Variants in MAD1L1 observed in about 807,000 individuals in gnomAD.
The protein encoded by MAD1L1 is mitotic spindle assembly checkpoint protein MAD1.
Under a neutral mutation model 96.9 loss-of-function variants are expected in MAD1L1, and 95 were observed. The observed-to-expected ratio is 0.98, with a 90% CI of 0.83 to 1.16. The LOEUF is 1.16. Ranked by LOEUF, MAD1L1 falls within the 50% of genes most tolerant of loss-of-function variation. The probability of loss-of-function intolerance (pLI) is 0.00; values close to 1 mark genes in which losing one functional copy is unlikely to be tolerated. For missense variants in MAD1L1, 1,007 were observed against 954.4 expected (o/e 1.06, Z -0.73); for synonymous variants, 473 against 396.6 (o/e 1.19, Z -2.29).
rs1461788029 is a variant in MAD1L1, at chr7:2,033,054, C to T, written c.1219-18412G>A. Reference sequence around the variant, plus strand: ...GCGTGGGCTGAGGACACCCAGCTGACGCTGCCACTGACTGGCCATGATAAA... The same window carrying T: ...GCGTGGGCTGAGGACACCCAGCTGATGCTGCCACTGACTGGCCATGATAAA... On this transcript the variant is annotated intron_variant, in intron 12 of 18. Transcript: ENST00000265854. Among the ~76,000 whole-genome samples, 6 of 152,362 alleles carry T rather than the reference C, an allele frequency of 3.9e-5. No homozygotes were observed. In the South Asian group the frequency reaches 6.2e-4, roughly 16 times the overall value.
chr7:2,121,881 G>A (rs1787999010), intron 11 of MAD1L1, among the ~76,000 whole-genome samples: 1 of 152,202 alleles, frequency 6.6e-6, no homozygotes, highest in African/African-American at 2.4e-5. Context: ...CAGGAACACA[G>A]ACCCGTGCAG....
At chr7:1,918,372 G>T (rs1465567432) in intron 17 of MAD1L1, among the ~76,000 whole-genome samples, 1 of 152,148 alleles carries the variant, frequency 6.6e-6, no homozygotes, top group East Asian at 1.9e-4. Flanking sequence ...GCGTCTGTCT[G>T]GATCCTCCCT....
intron 17 of MAD1L1, among the ~76,000 whole-genome samples, chr7:1,907,697 C>T (rs540491555): frequency 3.3e-5 from 5 of 152,254 alleles, no homozygotes; most frequent in African/African-American, 1.2e-4. Context: ...CACCTGCCCC[C>T]GGGTCAGTGA....
At chr7:1,955,391 A>C (rs1779681814) in intron 16 of MAD1L1, among the ~76,000 whole-genome samples, 1 of 152,152 alleles carries the variant, frequency 6.6e-6, no homozygotes, top group Admixed American at 6.5e-5. Flanking sequence ...CCTGGGTTCA[A>C]GCGATTCTCC....
intron 17 of MAD1L1, among the ~76,000 whole-genome samples, chr7:1,912,904 G>A (rs1030099156): frequency 6.6e-6 from 1 of 150,426 alleles, no homozygotes; most frequent in African/African-American, 2.4e-5. Flanking sequence ...GGGAGACGTG[G>A]GGGCGGGGCT....
chr7:1,954,886 C>T (rs929281331), intron 16 of MAD1L1, among the ~76,000 whole-genome samples: 5 of 152,184 alleles, frequency 3.3e-5, no homozygotes, highest in South Asian at 4.1e-4. Flanking sequence ...CACTTCCAGC[C>T]CCTTCAGCGA....
intron 18 of MAD1L1, among the ~76,000 whole-genome samples, chr7:1,895,133 G>A (rs991264491): frequency 2.0e-5 from 3 of 152,232 alleles, no homozygotes; most frequent in Non-Finnish European, 4.4e-5. Flanking sequence ...CCCAGGTGAA[G>A]AGGATGGAGC....
In MAD1L1 at chr7:1,815,922, G is replaced by T. The variant is rs565093407; in HGVS notation, c.*148C>A. On this transcript the variant is annotated 3_prime_UTR_variant, in exon 19 of 19. Coordinates refer to ENST00000265854, the MANE Select transcript of MAD1L1 (RefSeq NM_001013836.2). ...TGCTGGCCGCCCCAGCAGGAAGCCC[G>T]ACGTAGGTCCCAGCGTGTCTGTCAG... 3.4e-5 allele frequency: 33 copies of T among 957,800 alleles called. No individual in the cohort carries two copies. Among genetic ancestry groups the T allele is most frequent in the Non-Finnish European group, 5.0e-5 (33 of 665,660 alleles). The allele number at this position is 957,800 out of a possible 1,614,324, so 59.3% of individuals were successfully genotyped here.
At chr7:1,899,779 G>A (rs956648015) in intron 17 of MAD1L1, among the ~76,000 whole-genome samples, 1 of 152,162 alleles carries the variant, frequency 6.6e-6, no homozygotes, top group Admixed American at 6.5e-5. Flanking sequence ...TGTGCACAGC[G>A]GCCCGAAGAG....
intron 17 of MAD1L1, among the ~76,000 whole-genome samples, chr7:1,931,661 G>A (rs1211078380): frequency 1.6e-4 from 20 of 125,834 alleles, no homozygotes; most frequent in Admixed American, 2.6e-4. Context: ...CCTGCAACAC[G>A]CGTCTCCCTC....
At chr7:1,900,013 C>T (rs114543333) in intron 17 of MAD1L1, among the ~76,000 whole-genome samples, 9 of 152,348 alleles carry the variant, frequency 5.9e-5, no homozygotes, top group African/African-American at 1.9e-4. Context: ...AACACGGACA[C>T]AGGCAGGCAG....
At chr7:1,988,333 G>A (rs114012312) in intron 14 of MAD1L1, among the ~76,000 whole-genome samples, 53 of 152,242 alleles carry the variant, frequency 3.5e-4, no homozygotes, top group African/African-American at 1.0e-3. Flanking sequence ...GCCGTCCCCC[G>A]TTCAGGTGGC....
At chr7:1,881,147 A>C (rs1178638111) in intron 18 of MAD1L1, among the ~76,000 whole-genome samples, 1 of 152,258 alleles carries the variant, frequency 6.6e-6, no homozygotes, top group East Asian at 1.9e-4. Context: ...CTGCAGTCTC[A>C]GAATTACACG....
chr7:1,937,013 A>ATGGGT, intron 16 of MAD1L1, 116 bp from the exon 17 acceptor site: 1 of 780,254 alleles, frequency 1.3e-6, no homozygotes, highest in South Asian at 1.8e-5. Flanking sequence ...CACACACAGC[A>ATGGGT]CAGTGCTCAG....
intron 12 of MAD1L1, among the ~76,000 whole-genome samples, chr7:2,023,493 T>C (rs1265523616): frequency 2.6e-5 from 4 of 151,896 alleles, no homozygotes; most frequent in African/African-American, 4.8e-5. Context: ...AAAATGAAAA[T>C]ACAACCTATC....
chr7:1,909,516 T>C (rs1051204074), intron 17 of MAD1L1, among the ~76,000 whole-genome samples: 2 of 152,228 alleles, frequency 1.3e-5, no homozygotes, highest in African/African-American at 4.8e-5. Context: ...TGGCTGGCTC[T>C]GCAAGAGACT....
intron 18 of MAD1L1, among the ~76,000 whole-genome samples, chr7:1,818,428 G>C (rs1174226661): frequency 1.3e-5 from 2 of 152,120 alleles, no homozygotes; most frequent in African/African-American, 2.4e-5. Flanking sequence ...CTGTCACCCA[G>C]GCTGGAGTGC....
At position 2,176,786 on chromosome 7, in the gene MAD1L1, C is replaced by A. The variant is rs537841017; in HGVS notation, c.987-27548G>T. Among the ~76,000 whole-genome samples the A allele has an allele frequency of 2.6e-4, 40 of 152,266 alleles. No individual in the cohort carries two copies. In the South Asian group the frequency reaches 8.1e-3, roughly 31 times the overall value. ...CATAGTAAACTATACTGTGTCTATA[C>A]AATAACAGCAAATATTGGAAAGGTG... On this transcript the variant is annotated intron_variant, in intron 10 of 18. Transcript: ENST00000265854.
chr7:1,924,689 A>G (rs528741448), intron 17 of MAD1L1, among the ~76,000 whole-genome samples: 78 of 152,300 alleles, frequency 5.1e-4, no homozygotes, highest in Non-Finnish European at 8.8e-4. Flanking sequence ...GAAGAGGCAA[A>G]ACCACAAACT....
Sources: allele counts gnomAD v4.1 joint callset (sites outside exome capture counted in the v4.1 genomes callset), GRCh38; gene constraint gnomAD v4.1.1; transcripts MANE v1.5; gene names NCBI Gene and HGNC (gene_info 2026-07-23, HGNC 2026-07-21).